The following KLF10 variants were observed in gnomAD, a reference collection of about 807,000 sequenced individuals.
The protein encoded by KLF10 is KLF transcription factor 10, also known as Krueppel-like factor 10.
A neutral mutation model predicts 31.6 loss-of-function variants in KLF10; 17 were observed. That is an observed-to-expected ratio of 0.54 (90% CI 0.37 to 0.81). The LOEUF is 0.81. KLF10 is among the 30% of genes least tolerant of loss of function. The pLI is 0.00. For synonymous variants in KLF10, 239 were observed against 215.1 expected (o/e 1.11, Z -0.97); for missense variants, 525 against 598.1 (o/e 0.88, Z 1.27).
chr8:102,653,034 G>A (rs1330512176), intron 1 of KLF10, among the ~76,000 whole-genome samples: 1 of 152,158 alleles, frequency 6.6e-6, no homozygotes, highest in Non-Finnish European at 1.5e-5. Flanking sequence ...AAAGATAAGG[G>A]ATCCTCAGGG....
chr8:102,653,055 G>A (rs1271678365), intron 1 of KLF10, among the ~76,000 whole-genome samples: 1 of 152,274 alleles, frequency 6.6e-6, no homozygotes, highest in East Asian at 1.9e-4. Context: ...TATCTTTCAA[G>A]TTAAAATTGC....
At chr8:102,653,872 CGCGG>C (rs1827284994) in intron 1 of KLF10, 1 of 662,802 alleles carries the variant, frequency 1.5e-6, no homozygotes, top group African/African-American at 2.6e-5. Flanking sequence ...CGGGCGGAGG[CGCGG>C]GCGGGGGAGG....
At chr8:102,652,730 T>C (rs143752826) in intron 1 of KLF10, among the ~76,000 whole-genome samples, 2 of 152,288 alleles carry the variant, frequency 1.3e-5, no homozygotes, top group Non-Finnish European at 2.9e-5. Context: ...AAATTATCAA[T>C]GCATTTGTGA....
rs566929945 is a variant in KLF10, at chr8:102,653,858, AGCGCGGGCGGAG to A, written c.37-1473_37-1462del. The A allele has an allele frequency of 2.9e-4, 260 of 888,772 alleles. 2 individuals are homozygous for A. In the Admixed American group the frequency reaches 0.018, roughly 63 times the overall value. The allele number at this position is 888,772 out of a possible 1,614,324, so 55.1% of individuals were successfully genotyped here. ...AGTGGGGCGCGAGGCAGGAAAGGGAAGCGCGGGCGGAGGCGCGGGCGGGGGAGGCAGACGAGG... is the reference window on the plus strand; with the variant it reads ...AGTGGGGCGCGAGGCAGGAAAGGGAAGCGCGGGCGGGGGAGGCAGACGAGG... On this transcript the variant is annotated intron_variant, in intron 1 of 3. Coordinates refer to ENST00000285407, the MANE Select transcript of KLF10 (RefSeq NM_005655.4).
At chr8:102,655,185 C>T (rs1827333907) in intron 1 of KLF10, among the ~76,000 whole-genome samples, 1 of 152,096 alleles carries the variant, frequency 6.6e-6, no homozygotes, top group South Asian at 2.1e-4. Context: ...CCTTGTCCCT[C>T]CCGCGACTCT....
intron 1 of KLF10, chr8:102,654,387 C>T (rs1191915379): frequency 6.6e-6 from 1 of 150,860 alleles, no homozygotes; most frequent in African/African-American, 2.4e-5. Flanking sequence ...ACAGCGGGGC[C>T]GGGCCTCGCT....
intron 1 of KLF10, 111 bp from the exon 2 acceptor site, chr8:102,652,508 C>A: frequency 3.4e-6 from 2 of 589,912 alleles, no homozygotes; most frequent in Admixed American, 3.2e-5. Flanking sequence ...ACACAACTTT[C>A]CAAATTAAAA....
rs566816870 is a variant in KLF10 at position 102,651,432 on chromosome 8, G to A, written c.900C>T (p.Ala300=). 5.2e-5 allele frequency: 84 copies of A among 1,613,810 alleles called. 1 individual carries two copies. Among genetic ancestry groups the A allele is most frequent in the South Asian group, 4.5e-4 (41 of 91,012 alleles). Residue 300 remains alanine, a synonymous_variant, in exon 3 of 4, where the codon GCC becomes GCT. Coordinates refer to ENST00000285407, the MANE Select transcript of KLF10 (RefSeq NM_005655.4). ...CCATGAACACAACAGGGGGGCAAAC[G>A]GCTGGTGGCTGGCTGGGAGGAGTGC... ...VPSTPPSQPP[A]VCPPVVFMGT...
chr8:102,652,463 T>C (rs909897543), intron 1 of KLF10, 66 bp from the exon 2 acceptor site: 1 of 873,082 alleles, frequency 1.1e-6, no homozygotes, highest in South Asian at 2.3e-5. Flanking sequence ...CACAGAAAAA[T>C]GAGCAAATTT....
intron 3 of KLF10, 146 bp from the exon 4 acceptor site, chr8:102,650,537 GCTCCAATTTCAA>G: frequency 1.1e-6 from 1 of 885,612 alleles, no homozygotes; most frequent in South Asian, 1.8e-5. Flanking sequence ...GATATGTATT[GCTCCAATTTCAA>G]CTTGTCACTT....
At chr8:102,654,910 G>C (rs951691308) in intron 1 of KLF10, among the ~76,000 whole-genome samples, 13 of 152,110 alleles carry the variant, frequency 8.5e-5, no homozygotes, top group African/African-American at 2.7e-4. Context: ...ACGTCTGGGG[G>C]AGCAACTCGT....
chr8:102,650,751 C>T (rs1465691151), intron 3 of KLF10, among the ~76,000 whole-genome samples: 1 of 152,118 alleles, frequency 6.6e-6, no homozygotes, highest in Non-Finnish European at 1.5e-5. Flanking sequence ...GACTTCCTGA[C>T]TTTAACTATG....
At chr8:102,652,543 TTACTATGA>T in intron 1 of KLF10, 146 bp from the exon 2 acceptor site, 1 of 569,164 alleles carries the variant, frequency 1.8e-6, no homozygotes, top group East Asian at 2.8e-5. Context: ...CCTCTCACAC[TTACTATGA>T]TACTAAGGAA....
chr8:102,651,189 A>G lies in KLF10; in HGVS notation c.1143T>C (p.Phe381=), dbSNP rs1347645133. 6.6e-7 allele frequency: 1 copy of G among 1,516,698 alleles called. No homozygotes were observed. The highest frequency in any genetic ancestry group is 8.8e-7 in the Non-Finnish European group (1 of 1,131,490). 94.0% of individuals were successfully genotyped at this position (1,516,698 alleles called of 1,614,324 possible). ...TGTGGGCCTTCAGATGGGAACTTTT[A>G]AAGTATGTCTTGCCACATCCTGGGT... ...CSHPGCGKTY[F]KSSHLKAHTR... is the part of the protein sequence containing the mutation. The change falls in exon 3 of 4, where the codon TTT becomes TTC. Residue 381 remains phenylalanine (F), a synonymous_variant. Coordinates refer to ENST00000285407, the MANE Select transcript of KLF10 (RefSeq NM_005655.4).
At position 102,651,162 on chromosome 8, in the gene KLF10, C is replaced by T. The variant is rs149887425; in HGVS notation, c.1170G>A (p.Thr390=). ...AGTGGCTGGTACCTGTGTGCGTCCT[C>T]GTGTGGGCCTTCAGATGGGAACTTT... ...YFKSSHLKAH[T]RTHTGEKPFS... The change falls in exon 3 of 4, where the codon ACG becomes ACA. Residue 390 remains threonine, a synonymous_variant. Coordinates refer to ENST00000285407, the MANE Select transcript of KLF10 (RefSeq NM_005655.4). The T allele has an allele frequency of 0.025, 37,363 of 1,509,434 alleles. 582 individuals are homozygous for T. Among genetic ancestry groups the T allele is most frequent in the South Asian group, 0.042 (3,091 of 74,078 alleles). 93.5% of individuals were successfully genotyped at this position (1,509,434 alleles called of 1,614,324 possible). A position where few individuals can be genotyped will look rare whatever the true frequency, so the allele number is the denominator to read the frequency against.
chr8:102,653,823 G>A (rs925294117), intron 1 of KLF10: 9 of 1,019,944 alleles, frequency 8.8e-6, no homozygotes, highest in Non-Finnish European at 1.1e-5. Flanking sequence ...ACAGGGAGGG[G>A]AGGAAAGGGA....
chr8:102,651,733 A>G lies in KLF10; in HGVS notation c.599T>C (p.Ile200Thr), dbSNP rs1827217673. 1 of 1,614,196 alleles carries G rather than the reference A, an allele frequency of 6.2e-7. No individual in the cohort carries two copies. Among genetic ancestry groups the G allele is most frequent in the Non-Finnish European group, 8.5e-7 (1 of 1,180,038 alleles). ...GTTTGGTGACACAGCGGCACATGGT[A>G]TGTTCTTTCTTGCAGCCTCAACATT... ...HLNVEAARKNIPCAAVSPNRS... is the reference protein window; with the variant it reads ...HLNVEAARKNTPCAAVSPNRS... Residue 200 changes from isoleucine to threonine, a missense_variant, in exon 3 of 4, where the codon ATA becomes ACA. Ile to Thr is a moderately conservative substitution (Grantham distance 89, BLOSUM62 -1). Transcript: ENST00000285407.
rs562529416 is a variant in KLF10, at chr8:102,651,163, G to A, written c.1169C>T (p.Thr390Met). 99 of 1,509,546 alleles carry A rather than the reference G, an allele frequency of 6.6e-5. 2 individuals carry two copies. The South Asian group carries it at 6.9e-4, about 10-fold the overall frequency. The allele number at this position is 1,509,546 out of a possible 1,614,324, so 93.5% of individuals were successfully genotyped here. The change falls in exon 3 of 4, where the codon ACG becomes ATG. Residue 390 changes from threonine (T) to methionine (M), a missense_variant. By Grantham distance (81) the Thr-to-Met change is moderately conservative (BLOSUM62 -1). Around this residue, in one of 3 missense-constraint regions of KLF10, gnomAD observed 49 missense variants for 105.0 expected, o/e 0.47. Transcript: ENST00000285407. ...GTGGCTGGTACCTGTGTGCGTCCTCGTGTGGGCCTTCAGATGGGAACTTTT... is the reference window on the plus strand; with the variant it reads ...GTGGCTGGTACCTGTGTGCGTCCTCATGTGGGCCTTCAGATGGGAACTTTT... ...YFKSSHLKAHTRTHTGEKPFS... is the reference protein window; with the variant it reads ...YFKSSHLKAHMRTHTGEKPFS...
chr8:102,655,068 T>G (rs956100970), intron 1 of KLF10, among the ~76,000 whole-genome samples: 36 of 151,974 alleles, frequency 2.4e-4, no homozygotes, highest in African/African-American at 8.4e-4. Flanking sequence ...TCGCCTCTCC[T>G]GTGGACACCC....
Sources: gnomAD v4.1 joint callset for allele counts (sites outside exome capture counted in the v4.1 genomes callset) on GRCh38, gnomAD v4.1.1 for gene constraint, gnomAD v4.1.1 regional missense constraint, MANE v1.5 for transcripts, NCBI Gene and HGNC (gene_info 2026-07-23, HGNC 2026-07-21) for gene names.